The following TPD52L2 variants were observed in gnomAD, a reference collection of about 807,000 sequenced individuals.
The protein encoded by TPD52L2 is tumor protein D54.
A neutral mutation model predicts 24.7 loss-of-function variants in TPD52L2; 19 were observed. That is an observed-to-expected ratio of 0.77 (90% CI 0.54 to 1.13). TPD52L2 has a LOEUF of 1.13. Among genes scored for constraint, TPD52L2 ranks in the 50% most tolerant of loss-of-function variants. TPD52L2 has a pLI of 0.00. For synonymous variants in TPD52L2, 104 were observed against 100.2 expected, an observed-to-expected ratio of 1.04 and a Z score of -0.23; for missense variants, 236 against 250.4, an observed-to-expected ratio of 0.94 and a Z score of 0.39.
intron 5 of TPD52L2, 96 bp from the exon 6 acceptor site, chr20:63,889,094 T>G: frequency 9.4e-7 from 1 of 1,062,166 alleles, no homozygotes. Context: ...TTAGGGACCC[T>G]TTGGAGGCTG....
chr20:63,889,638 T>C (rs1199554920), intron 6 of TPD52L2, among the ~76,000 whole-genome samples: 1 of 152,206 alleles, frequency 6.6e-6, no homozygotes, highest in Non-Finnish European at 1.5e-5. Context: ...AACGATACAG[T>C]GTGCAGCTTT....
chr20:63,867,676 G>A (rs59164198), intron 1 of TPD52L2, among the ~76,000 whole-genome samples: 11,362 of 152,162 alleles, frequency 0.075, 475 homozygotes, highest in East Asian at 0.12. Context: ...GACATTTGAA[G>A]GGAGTGAGAT....
At chr20:63,886,383 C>T (rs184386052) in intron 5 of TPD52L2, among the ~76,000 whole-genome samples, 13 of 150,604 alleles carry the variant, frequency 8.6e-5, no homozygotes, top group Admixed American at 2.0e-4. Context: ...TTTTTTTAGA[C>T]GGAGTCTTGC....
chr20:63,872,956 G>A (rs6011196), intron 2 of TPD52L2, among the ~76,000 whole-genome samples: 13,175 of 151,512 alleles, frequency 0.087, 602 homozygotes, highest in Non-Finnish European at 0.1. Context: ...CTCGTGATCC[G>A]CCCGCCTTGG....
intron 2 of TPD52L2, among the ~76,000 whole-genome samples, chr20:63,871,284 C>A (rs531033947): frequency 6.6e-6 from 1 of 151,980 alleles, no homozygotes; most frequent in Non-Finnish European, 1.5e-5. Flanking sequence ...CTCAAGAGCT[C>A]CACCTGGCTC....
At chr20:63,889,344 G>C (rs916072839) in intron 6 of TPD52L2, 106 bp downstream of exon 6, 7 of 1,037,706 alleles carry the variant, frequency 6.7e-6, no homozygotes, top group Admixed American at 1.9e-5. Flanking sequence ...ACAGTTGTGG[G>C]AAGTAATGCA....
intron 1 of TPD52L2, among the ~76,000 whole-genome samples, chr20:63,867,493 G>C (rs1304019442): frequency 2.0e-5 from 3 of 152,074 alleles, no homozygotes; most frequent in African/African-American, 7.2e-5. Flanking sequence ...TTGAACCCAG[G>C]AGGTGGAGGT....
intron 3 of TPD52L2, 147 bp downstream of exon 3, chr20:63,873,963 T>C (rs1268545736): frequency 2.2e-6 from 2 of 911,074 alleles, no homozygotes; most frequent in Non-Finnish European, 3.1e-6. Context: ...AGAGAGAGGC[T>C]CTGAGCCCTT....
At chr20:63,879,495 C>T (rs1230140702) in intron 4 of TPD52L2, among the ~76,000 whole-genome samples, 1 of 152,128 alleles carries the variant, frequency 6.6e-6, no homozygotes, top group Non-Finnish European at 1.5e-5. Flanking sequence ...CCACAGGTCA[C>T]GCTCAGGACC....
intron 6 of TPD52L2, 92 bp downstream of exon 6, chr20:63,889,330 A>C: frequency 8.9e-7 from 1 of 1,122,094 alleles, no homozygotes; most frequent in Non-Finnish European, 1.3e-6. Flanking sequence ...TGGTAGACTC[A>C]CATACAGTTG....
chr20:63,885,919 G>A, intron 5 of TPD52L2: 2 of 1,327,924 alleles, frequency 1.5e-6, no homozygotes, highest in Admixed American at 1.7e-5. Context: ...CACGAGCAGG[G>A]GGCCTCCCCT....
At chr20:63,880,643 C>CT in intron 4 of TPD52L2, among the ~76,000 whole-genome samples, 1 of 152,090 alleles carries the variant, frequency 6.6e-6, no homozygotes, top group Non-Finnish European at 1.5e-5. Context: ...GTAATCCCAA[C>CT]ACTTTTGGAG....
chr20:63,867,977 C>T (rs1317777657), intron 1 of TPD52L2, among the ~76,000 whole-genome samples: 5 of 150,298 alleles, frequency 3.3e-5, no homozygotes, highest in South Asian at 2.1e-4. Context: ...TTTTTGGCCG[C>T]GCGTGGTGGC....
chr20:63,880,482 A>G (rs1423761961), intron 4 of TPD52L2, among the ~76,000 whole-genome samples: 1 of 152,276 alleles, frequency 6.6e-6, no homozygotes, highest in African/African-American at 2.4e-5. Flanking sequence ...AGGTGCTGTG[A>G]GCGCTTTAGA....
At chr20:63,875,750 C>T (rs146549875) in intron 3 of TPD52L2, 66 bp from the exon 4 acceptor site, 2 of 1,530,604 alleles carry the variant, frequency 1.3e-6, no homozygotes, top group African/African-American at 1.4e-5. Flanking sequence ...GGAACTTCAC[C>T]TGCAGTTTGA....
At chr20:63,879,739 T>C (rs1363951811) in intron 4 of TPD52L2, among the ~76,000 whole-genome samples, 1 of 115,732 alleles carries the variant, frequency 8.6e-6, no homozygotes, top group African/African-American at 3.4e-5. Flanking sequence ...CCCCACTCTT[T>C]AGGCACAAAT....
chr20:63,873,548 A>T, intron 2 of TPD52L2, 120 bp from the exon 3 acceptor site: 1 of 1,149,610 alleles, frequency 8.7e-7, no homozygotes, highest in Non-Finnish European at 1.2e-6. Flanking sequence ...TGTTATTCCT[A>T]GGACGAGTTA....
chr20:63,887,921 C>T (rs2053194419), intron 5 of TPD52L2: 13 of 457,286 alleles, frequency 2.8e-5, no homozygotes, highest in Middle Eastern at 6.1e-4. Flanking sequence ...GCACACAGAT[C>T]CTGGCACTTG....
intron 2 of TPD52L2, among the ~76,000 whole-genome samples, chr20:63,872,411 T>C (rs2052502228): frequency 6.6e-6 from 1 of 152,156 alleles, no homozygotes; most frequent in Admixed American, 6.6e-5. Context: ...ACAGTCTCGG[T>C]CTGTCACCTA....
Sources: allele counts gnomAD v4.1 joint callset (sites outside exome capture counted in the v4.1 genomes callset), GRCh38; gene constraint gnomAD v4.1.1; transcripts MANE v1.5; gene names NCBI Gene and HGNC (gene_info 2026-07-23, HGNC 2026-07-21).